The following MTMR3 variants were observed in gnomAD, a reference collection of about 807,000 sequenced individuals.
MTMR3 encodes phosphatidylinositol-3,5-bisphosphate 3-phosphatase MTMR3.
A neutral mutation model predicts 132.4 loss-of-function variants in MTMR3; 32 were observed. The ratio of observed to expected loss-of-function variants is 0.24; its 90% confidence interval spans 0.18 to 0.32. The LOEUF (loss-of-function observed/expected upper bound fraction) is 0.32. MTMR3 is among the 10% of genes least tolerant of loss of function. The pLI is 1.00. For missense variants in MTMR3, 1,216 were observed against 1,489.6 expected (o/e 0.82, Z 3.02); for synonymous variants, 556 against 550.3 (o/e 1.01, Z -0.14).
At chr22:29,903,892 T>C (rs184502395) in intron 1 of MTMR3, among the ~76,000 whole-genome samples, 16 of 152,298 alleles carry the variant, frequency 1.1e-4, no homozygotes, top group African/African-American at 3.9e-4. Flanking sequence ...GGTCATTTGG[T>C]GAACAGGTAT....
intron 1 of MTMR3, among the ~76,000 whole-genome samples, chr22:29,920,009 A>G (rs1319887122): frequency 1.3e-5 from 2 of 152,060 alleles, no homozygotes; most frequent in Non-Finnish European, 2.9e-5. Context: ...AGGTCAAGAG[A>G]TCGAGACCAT....
rs891394949 is a variant in MTMR3, at chr22:29,969,401, A to G, written c.-84-1575A>G. Reference sequence around the variant, plus strand: ...GTAACATCCCACCACTTCTATCTCTACTACCTTTTCATTGCTATATTGTCT... The same window carrying G: ...GTAACATCCCACCACTTCTATCTCTGCTACCTTTTCATTGCTATATTGTCT... On this transcript the variant is annotated intron_variant, in intron 2 of 19. Transcript: ENST00000401950. 3.9e-5 allele frequency among the ~76,000 whole-genome samples: 6 copies of G among 152,192 alleles called. No homozygotes were observed. In the East Asian group the frequency reaches 1.2e-3, roughly 29 times the overall value.
intron 17 of MTMR3, chr22:30,021,815 A>C: frequency 1.8e-6 from 1 of 544,796 alleles, no homozygotes; most frequent in Non-Finnish European, 3.3e-6. Context: ...CTCCAGAGTC[A>C]CTGCACACAA....
intron 1 of MTMR3, among the ~76,000 whole-genome samples, chr22:29,908,001 A>G (rs1047570327): frequency 6.6e-6 from 1 of 152,240 alleles, no homozygotes; most frequent in Non-Finnish European, 1.5e-5. Flanking sequence ...CTATGATTAC[A>G]TTGGTAGAAG....
chr22:30,027,226 G>C lies in MTMR3; in HGVS notation c.*1425G>C, dbSNP rs1201939905. On this transcript the variant is annotated 3_prime_UTR_variant, in exon 20 of 20. Coordinates refer to ENST00000401950, the MANE Select transcript of MTMR3 (RefSeq NM_021090.4). Reference sequence around the variant, plus strand: ...GCTGAAAGCTGCTAACTGGTGACAGGGTGGATCATGGTGAGGACTAGGGGT... The same window carrying C: ...GCTGAAAGCTGCTAACTGGTGACAGCGTGGATCATGGTGAGGACTAGGGGT... 6.5e-6 allele frequency: 1 copy of C among 152,806 alleles called. No homozygotes were observed. The highest frequency in any genetic ancestry group is 2.4e-5 in the African/African-American group (1 of 41,434). The allele number at this position is 152,806 out of a possible 1,614,324, so 9.5% of individuals were successfully genotyped here. A position where few individuals can be genotyped will look rare whatever the true frequency, so the allele number is the denominator to read the frequency against.
intron 1 of MTMR3, among the ~76,000 whole-genome samples, chr22:29,883,870 T>C (rs2064606903): frequency 6.6e-6 from 1 of 152,128 alleles, no homozygotes; most frequent in East Asian, 1.9e-4. Context: ...CGCCCGATCG[T>C]GCAGCAGGGC....
rs1180238596 is a variant in MTMR3, at chr22:30,028,750, A to G, written c.*2949A>G. 2.0e-5 allele frequency: 3 copies of G among 152,324 alleles called. No individual in the cohort carries two copies. The highest frequency in any genetic ancestry group is 2.9e-5 in the Non-Finnish European group (2 of 68,020). The allele number at this position is 152,324 out of a possible 1,614,324, so 9.4% of individuals were successfully genotyped here. Reference sequence around the variant, plus strand: ...CTTCTACCTAAAGTATACAAACACAAAGAGCCAGCTGAGCTGGTTCTAGTG... The same window carrying G: ...CTTCTACCTAAAGTATACAAACACAGAGAGCCAGCTGAGCTGGTTCTAGTG... On this transcript the variant is annotated 3_prime_UTR_variant, in exon 20 of 20. Transcript: ENST00000401950.
chr22:29,990,507 G>A (rs2066940991), intron 6 of MTMR3: 1 of 152,134 alleles, frequency 6.6e-6, no homozygotes, highest in South Asian at 2.1e-4. Flanking sequence ...AGTTTAAGAA[G>A]GTAGTTGCTT....
intron 13 of MTMR3, 82 bp from the exon 14 acceptor site, chr22:30,013,274 T>G (rs1437104043): frequency 6.8e-7 from 1 of 1,460,094 alleles, no homozygotes; most frequent in Admixed American, 1.9e-5. Context: ...TAGAGGGGAT[T>G]GCTTTCTGTG....
At chr22:29,988,265 A>G (rs899230293) in intron 5 of MTMR3, 2 of 331,484 alleles carry the variant, frequency 6.0e-6, no homozygotes, top group Non-Finnish European at 1.1e-5. Context: ...CCTTCATGCT[A>G]TGACATGACT....
Position 29,904,356 on chromosome 22 carries a change from A to G in MTMR3, c.-138+20997A>G, listed in dbSNP as rs575136535. On this transcript the variant is annotated intron_variant, in intron 1 of 19. Transcript: ENST00000401950. ...AGGACTTACCTGAGGTTGCACTGCT[A>G]GTGAGTAGCTGAAATAGTACTTGAG... is the stretch of plus-strand genomic sequence containing the variant. Among the ~76,000 whole-genome samples, 3 of 152,332 alleles carry G rather than the reference A, an allele frequency of 2.0e-5. No individual in the cohort carries two copies. The South Asian group carries it at 6.2e-4, about 32-fold the overall frequency.
intron 1 of MTMR3, among the ~76,000 whole-genome samples, chr22:29,953,952 C>T (rs2066132456): frequency 6.6e-6 from 1 of 151,782 alleles, no homozygotes; most frequent in Non-Finnish European, 1.5e-5. Context: ...TACTCTTATT[C>T]CTTAAGGTAT....
Position 29,914,095 on chromosome 22 carries a change from A to G in MTMR3, c.-138+30736A>G, listed in dbSNP as rs909384044. Among the ~76,000 whole-genome samples, 4 of 152,298 alleles carry G rather than the reference A, an allele frequency of 2.6e-5. No individual in the cohort carries two copies. The South Asian group carries it at 8.3e-4, about 32-fold the overall frequency. ...TAAATCTCCTCTGAATATTTGCAAC[A>G]TAGATCTTTGTGTGGACATATATTT... On this transcript the variant is annotated intron_variant, in intron 1 of 19. Coordinates refer to ENST00000401950, the MANE Select transcript of MTMR3 (RefSeq NM_021090.4).
chr22:29,957,888 G>T (rs2066231292), intron 2 of MTMR3, among the ~76,000 whole-genome samples: 1 of 152,070 alleles, frequency 6.6e-6, no homozygotes, highest in African/African-American at 2.4e-5. Context: ...TTTCATTATA[G>T]TGTATTGTTG....
chr22:29,925,614 CTTT>C (rs1478376915), intron 1 of MTMR3, among the ~76,000 whole-genome samples: 1 of 151,178 alleles, frequency 6.6e-6, no homozygotes, highest in Non-Finnish European at 1.5e-5. Context: ...AAAACTCAGT[CTTT>C]TAAAGTACAC....
chr22:29,885,078 G>T (rs2064644892), intron 1 of MTMR3, among the ~76,000 whole-genome samples: 1 of 152,154 alleles, frequency 6.6e-6, no homozygotes. Flanking sequence ...GAGTTTCTCA[G>T]CTCATAGGCC....
intron 1 of MTMR3, among the ~76,000 whole-genome samples, chr22:29,916,880 G>C (rs1439583985): frequency 1.3e-5 from 2 of 152,178 alleles, no homozygotes; most frequent in Non-Finnish European, 2.9e-5. Flanking sequence ...CCCTGGATCT[G>C]CTACTTTACC....
intron 2 of MTMR3, among the ~76,000 whole-genome samples, chr22:29,963,843 GA>G (rs398061878): frequency 5.2e-4 from 75 of 143,812 alleles, no homozygotes; most frequent in Middle Eastern, 3.6e-3. Context: ...CCCTGTAGTG[GA>G]AAAAAAAAAA....
intron 1 of MTMR3, among the ~76,000 whole-genome samples, chr22:29,897,817 A>G (rs2064932519): frequency 6.6e-6 from 1 of 151,922 alleles, no homozygotes; most frequent in Non-Finnish European, 1.5e-5. Context: ...CTTAGATCGT[A>G]TTTTCGTATG....
Sources: allele counts gnomAD v4.1 joint callset (sites outside exome capture counted in the v4.1 genomes callset), GRCh38; gene constraint gnomAD v4.1.1; transcripts MANE v1.5; gene names NCBI Gene and HGNC (gene_info 2026-07-23, HGNC 2026-07-21).